Variants in COL26A1 observed in about 807,000 individuals in gnomAD.
COL26A1 encodes the protein collagen type XXVI alpha 1 chain.
Under a neutral mutation model 59.3 loss-of-function variants are expected in COL26A1, and 41 were observed. The observed-to-expected ratio is 0.69, with a 90% CI of 0.54 to 0.90. The LOEUF is 0.90. Among genes scored for constraint, COL26A1 ranks in the 40% least tolerant of loss-of-function variants. The pLI, the probability that COL26A1 is intolerant of heterozygous loss-of-function variation, is 0.00. For missense variants in COL26A1, 612 were observed against 602.3 expected (o/e 1.02, Z -0.17); for synonymous variants, 266 against 256.0 (o/e 1.04, Z -0.37).
chr7:101,464,312 C>T (rs1411730479), intron 3 of COL26A1, among the ~76,000 whole-genome samples: 1 of 152,112 alleles, frequency 6.6e-6, no homozygotes, highest in Non-Finnish European at 1.5e-5. Context: ...GTTGGTCAGG[C>T]TGGTCTCGAA....
intron 9 of COL26A1, among the ~76,000 whole-genome samples, chr7:101,550,199 G>A (rs545328934): frequency 7.9e-4 from 121 of 152,308 alleles, no homozygotes; most frequent in African/African-American, 1.6e-3. Context: ...GATGGCTGAC[G>A]CCTGTAATCC....
rs138776266 is a variant in COL26A1, at chr7:101,454,786, A to G, written c.385+6999A>G. On this transcript the variant is annotated intron_variant, in intron 3 of 12. Coordinates refer to ENST00000313669, the MANE Select transcript of COL26A1 (RefSeq NM_001278563.3). ...TTGGCTGTGAGTTCAATGTTAATGA[A>G]TCTACAGTAAATATGTTAAAAGGTG... Among the ~76,000 whole-genome samples the G allele has an allele frequency of 2.7e-4, 41 of 152,270 alleles. No individual in the cohort carries two copies. The East Asian group carries it at 4.8e-3, about 18-fold the overall frequency.
intron 3 of COL26A1, among the ~76,000 whole-genome samples, chr7:101,523,163 G>T (rs1046814714): frequency 6.6e-6 from 1 of 151,444 alleles, no homozygotes; most frequent in African/African-American, 2.4e-5. Context: ...TCCGCCTCCC[G>T]GGTTCAAGCC....
rs574551723 is a variant in COL26A1, at chr7:101,518,700, C to T, written c.386-14382C>T. 3.9e-5 allele frequency among the ~76,000 whole-genome samples: 6 copies of T among 152,316 alleles called. No homozygotes were observed. In the East Asian group the frequency reaches 5.8e-4, roughly 15 times the overall value. ...ATCCACCCAAGAGAAGCAATTGAAT[C>T]GCTGAAACCGGCAAGATAAACATGT... On this transcript the variant is annotated intron_variant, in intron 3 of 12. Coordinates refer to ENST00000313669, the MANE Select transcript of COL26A1 (RefSeq NM_001278563.3).
At chr7:101,428,731 C>T (rs898573816) in intron 2 of COL26A1, among the ~76,000 whole-genome samples, 1 of 151,740 alleles carries the variant, frequency 6.6e-6, no homozygotes, top group African/African-American at 2.4e-5. Context: ...AGGCTGGTCT[C>T]CAACTCAAGC....
chr7:101,480,674 G>T (rs1031693382), intron 3 of COL26A1, among the ~76,000 whole-genome samples: 18 of 151,782 alleles, frequency 1.2e-4, no homozygotes, highest in African/African-American at 4.4e-4. Context: ...CTTTTTGGGG[G>T]GTATTTTTTG....
intron 2 of COL26A1, among the ~76,000 whole-genome samples, chr7:101,428,372 AAG>A (rs1211525823): frequency 2.2e-4 from 30 of 134,120 alleles, no homozygotes; most frequent in African/African-American, 8.3e-4. Flanking sequence ...AAAAAAAAAA[AAG>A]GCAAAGAGAA....
chr7:101,485,717 T>G (rs78672815), intron 3 of COL26A1, among the ~76,000 whole-genome samples: 1 of 152,014 alleles, frequency 6.6e-6, no homozygotes, highest in Non-Finnish European at 1.5e-5. Context: ...AGATGGACAG[T>G]TCTGGCAAAA....
intron 5 of COL26A1, among the ~76,000 whole-genome samples, chr7:101,543,220 A>C (rs1795656026): frequency 6.6e-6 from 1 of 151,870 alleles, no homozygotes; most frequent in South Asian, 2.1e-4. Flanking sequence ...GCCAAGCTGG[A>C]ATGCAGTGGT....
At chr7:101,474,356 G>A (rs1031148119) in intron 3 of COL26A1, among the ~76,000 whole-genome samples, 1 of 152,044 alleles carries the variant, frequency 6.6e-6, no homozygotes, top group Non-Finnish European at 1.5e-5. Context: ...CAGCACTTTG[G>A]GAGGTCGAGG....
At chr7:101,515,316 A>G (rs6975795) in intron 3 of COL26A1, among the ~76,000 whole-genome samples, 77,502 of 151,748 alleles carry the variant, frequency 0.51, 20,719 homozygotes, top group African/African-American at 0.64. Flanking sequence ...GTCTCAACAG[A>G]GACTCTGTTG....
In COL26A1 at chr7:101,558,061, A is replaced by G. The variant is rs1008064685; in HGVS notation, c.*531A>G. ...ACCCTGCCAGCTTCCCCTCTTCGAGAGAAAACTCAGACAGGGAGGGCGCAG... is the reference window on the plus strand; with the variant it reads ...ACCCTGCCAGCTTCCCCTCTTCGAGGGAAAACTCAGACAGGGAGGGCGCAG... On this transcript the variant is annotated 3_prime_UTR_variant, in exon 13 of 13. Transcript: ENST00000313669. The G allele has an allele frequency of 6.6e-6, 1 of 152,296 alleles. No individual in the cohort carries two copies. Among genetic ancestry groups the G allele is most frequent in the African/African-American group, 2.4e-5 (1 of 41,448 alleles). The allele number at this position is 152,296 out of a possible 1,614,324, so 9.4% of individuals were successfully genotyped here.
At chr7:101,548,826 G>T (rs967559934) in intron 8 of COL26A1, among the ~76,000 whole-genome samples, 12 of 152,148 alleles carry the variant, frequency 7.9e-5, no homozygotes, top group Non-Finnish European at 5.9e-5. Flanking sequence ...AGGTCCCGAG[G>T]CGGGAAAGAC....
intron 3 of COL26A1, among the ~76,000 whole-genome samples, chr7:101,503,645 G>T (rs1240909799): frequency 1.3e-5 from 2 of 152,170 alleles, no homozygotes; most frequent in African/African-American, 2.4e-5. Flanking sequence ...GCCTCCCAAA[G>T]TGCTGGGATT....
intron 1 of COL26A1, among the ~76,000 whole-genome samples, chr7:101,373,786 T>G (rs770917079): frequency 7.2e-5 from 11 of 152,196 alleles, no homozygotes; most frequent in Non-Finnish European, 2.9e-5. Flanking sequence ...TTAATATCAG[T>G]GAGACCTTGT....
At chr7:101,507,429 G>C (rs1206169749) in intron 3 of COL26A1, among the ~76,000 whole-genome samples, 2 of 151,790 alleles carry the variant, frequency 1.3e-5, no homozygotes, top group Admixed American at 1.3e-4. Flanking sequence ...TTTGTTGGGT[G>C]GGGGGAGCAG....
chr7:101,387,682 G>A (rs556735257), intron 1 of COL26A1, among the ~76,000 whole-genome samples: 7,603 of 132,838 alleles, frequency 0.057, 512 homozygotes, highest in African/African-American at 0.16. Flanking sequence ...TATATATAAA[G>A]AGAGAGATTT....
intron 3 of COL26A1, among the ~76,000 whole-genome samples, chr7:101,453,629 G>A (rs1380008728): frequency 6.6e-6 from 1 of 152,196 alleles, no homozygotes; most frequent in Non-Finnish European, 1.5e-5. Flanking sequence ...GACTCTTCTA[G>A]CTGTGTGCCT....
At chr7:101,537,343 C>T (rs1795502224) in intron 4 of COL26A1, among the ~76,000 whole-genome samples, 1 of 152,218 alleles carries the variant, frequency 6.6e-6, no homozygotes, top group Non-Finnish European at 1.5e-5. Flanking sequence ...ACACAAGAGT[C>T]ACAGAAGCCT....
Sources: gnomAD v4.1 joint callset for allele counts (sites outside exome capture counted in the v4.1 genomes callset) on GRCh38, gnomAD v4.1.1 for gene constraint, MANE v1.5 for transcripts, NCBI Gene and HGNC (gene_info 2026-07-23, HGNC 2026-07-21) for gene names.